The following NCAPD3 variants were observed in gnomAD, a reference collection of about 807,000 sequenced individuals.
The protein encoded by NCAPD3 is condensin-2 complex subunit D3.
A neutral mutation model predicts 182.9 loss-of-function variants in NCAPD3; 105 were observed. That is an observed-to-expected ratio of 0.57 (90% confidence interval 0.49 to 0.68). The LOEUF is 0.68. NCAPD3 is among the 30% of genes least tolerant of loss of function. NCAPD3 has a pLI of 0.00. For synonymous variants in NCAPD3, 815 were observed against 679.9 expected, an observed-to-expected ratio of 1.20 and a Z score of -3.09; for missense variants, 1,944 against 1,837.0, an observed-to-expected ratio of 1.06 and a Z score of -1.07.
intron 32 of NCAPD3, among the ~76,000 whole-genome samples, chr11:134,154,404 G>A (rs1273221015): frequency 6.6e-6 from 1 of 151,808 alleles, no homozygotes; most frequent in Non-Finnish European, 1.5e-5. Context: ...TCAGGTGCAC[G>A]CGTGCACAAA....
intron 13 of NCAPD3, among the ~76,000 whole-genome samples, chr11:134,199,963 A>AT (rs991932036): frequency 4.6e-5 from 7 of 152,312 alleles, no homozygotes; most frequent in South Asian, 2.1e-4. Flanking sequence ...CAGTCAAGTG[A>AT]TTTTTTTACA....
intron 13 of NCAPD3, among the ~76,000 whole-genome samples, chr11:134,197,989 CTT>C (rs1944672810): frequency 6.6e-6 from 1 of 152,148 alleles, no homozygotes; most frequent in South Asian, 2.1e-4. Flanking sequence ...GAAGTCTACT[CTT>C]TGACTTCTTT....
rs1482877256 is a variant in NCAPD3 at position 134,162,649 on chromosome 11, GACA to G, written c.3574-761_3574-759del. 1.3e-4 allele frequency among the ~76,000 whole-genome samples: 20 copies of G among 152,302 alleles called. 1 individual carries two copies. The highest frequency in any genetic ancestry group is 7.7e-4 in the East Asian group (4 of 5,178). On this transcript the variant is annotated intron_variant, in intron 27 of 34. Transcript: ENST00000534548. The stretch of plus-strand genomic sequence containing the variant: ...CTTATCAGAGTTCCTGAAACAGAAG[GACA>G]ACAAGTAGAGAAATAAGCAATTTAA...
At chr11:134,219,291 G>A (rs375131469) in intron 2 of NCAPD3, among the ~76,000 whole-genome samples, 90 of 152,102 alleles carry the variant, frequency 5.9e-4, no homozygotes, top group African/African-American at 1.9e-3. Context: ...CAACAAATCC[G>A]CACCTCTCTT....
chr11:134,172,734 T>C (rs554738328), intron 24 of NCAPD3, among the ~76,000 whole-genome samples: 1 of 152,128 alleles, frequency 6.6e-6, no homozygotes, highest in Non-Finnish European at 1.5e-5. Context: ...TTGGGGTTTA[T>C]ACCAGCGATT....
intron 2 of NCAPD3, among the ~76,000 whole-genome samples, chr11:134,219,057 G>A (rs1938129700): frequency 1.3e-5 from 2 of 152,126 alleles, no homozygotes; most frequent in Non-Finnish European, 2.9e-5. Context: ...TGAACCTCAC[G>A]TAAAGCTACC....
Position 134,160,114 on chromosome 11 carries a change from A to T in NCAPD3, c.3685-40T>A, listed in dbSNP as rs780815032. 7 of 1,601,626 alleles carry T rather than the reference A, an allele frequency of 4.4e-6. No homozygotes were observed. In the South Asian group the frequency reaches 7.8e-5, roughly 18 times the overall value. On this transcript the variant is annotated intron_variant, in intron 28 of 34. Transcript: ENST00000534548. Reference sequence around the variant, plus strand: ...GGAGCATCCTTTCATGTTTTCTTGAATAAAAACGTAAAGCCCTAAACCCCC... The same window carrying T: ...GGAGCATCCTTTCATGTTTTCTTGATTAAAAACGTAAAGCCCTAAACCCCC...
chr11:134,223,417 TTTGGGAA>T, intron 1 of NCAPD3: 1 of 702,474 alleles, frequency 1.4e-6, no homozygotes, highest in Non-Finnish European at 2.6e-6. Context: ...ATTAGCAGGC[TTTGGGAA>T]TCCCATTTTC....
Position 134,167,430 on chromosome 11 carries a change from G to C in NCAPD3, c.3573+566C>G, listed in dbSNP as rs1943871640. Among the ~76,000 whole-genome samples, 8 of 113,288 alleles carry C rather than the reference G, an allele frequency of 7.1e-5. No homozygotes were observed. The South Asian group carries it at 1.0e-3, about 14-fold the overall frequency. The allele number at this position is 113,288 out of a possible 152,430, so 74.3% of individuals were successfully genotyped here. ...CACTTGTGAGATGAGCTTGGGGGAG[G>C]CGCACACTCGTGAGAGGAGCTTAGG... On this transcript the variant is annotated intron_variant, in intron 27 of 34. Transcript: ENST00000534548.
At chr11:134,219,334 T>C (rs1330902516) in intron 2 of NCAPD3, among the ~76,000 whole-genome samples, 1 of 152,162 alleles carries the variant, frequency 6.6e-6, no homozygotes, top group Non-Finnish European at 1.5e-5. Flanking sequence ...TCGTAGAATA[T>C]TTCCAGGCGC....
chr11:134,153,677 T>C, intron 32 of NCAPD3: 2 of 424,956 alleles, frequency 4.7e-6, no homozygotes, highest in East Asian at 4.8e-5. Flanking sequence ...GACCGCCCTG[T>C]CCCACTTACT....
intron 32 of NCAPD3, among the ~76,000 whole-genome samples, chr11:134,155,182 T>C (rs145095209): frequency 1.7e-3 from 259 of 152,218 alleles, no homozygotes; most frequent in African/African-American, 5.9e-3. Flanking sequence ...GCTCTGAAAA[T>C]TGACTAATTT....
At chr11:134,225,383 C>T, upstream of NCAPD3, 2 of 1,605,962 alleles carry the variant, frequency 1.2e-6, no homozygotes, top group Non-Finnish European at 1.7e-6. Context: ...CCAGCGCCGA[C>T]AGCCGGCCGG....
Position 134,176,365 on chromosome 11 carries a change from C to T in NCAPD3, c.3043G>A (p.Gly1015Ser). Residue 1015 changes from glycine (G) to serine (S), a missense_variant, in exon 24 of 35, where the codon GGC (glycine) becomes AGC (serine). Transcript: ENST00000534548. ...CTGACAAATCGGAAGAACAGGGAGC[C>T]CTTCCATTTCACAAATTCCTCCTGT... ...LLQEEFVKWK[G>S]SLFFRFVSTL... 2 of 1,613,972 alleles carry T rather than the reference C, an allele frequency of 1.2e-6. No homozygotes were observed. Among genetic ancestry groups the T allele is most frequent in the South Asian group, 1.1e-5 (1 of 91,076 alleles).
Position 134,157,054 on chromosome 11 carries a change from C to T in NCAPD3, c.4216G>A (p.Glu1406Lys), listed in dbSNP as rs774653279. The T allele has an allele frequency of 4.3e-6, 7 of 1,613,780 alleles. No individual in the cohort carries two copies. Among genetic ancestry groups the T allele is most frequent in the Non-Finnish European group, 5.9e-6 (7 of 1,179,846 alleles). Residue 1406 changes from glutamate (E) to lysine (K), a missense_variant, in exon 32 of 35, where the codon GAG becomes AAG. Physicochemically the swap from Glu to Lys is moderately conservative, Grantham distance 56. Coordinates refer to ENST00000534548, the MANE Select transcript of NCAPD3 (RefSeq NM_015261.3). ...CTGATGGCCCGCTTGGTCACGTGCTCAATCTCGCCATTCGACTCTTGCTCC... is the reference window on the plus strand; with the variant it reads ...CTGATGGCCCGCTTGGTCACGTGCTTAATCTCGCCATTCGACTCTTGCTCC... Reference protein sequence around the residue: ...SLEQESNGEIEHVTKRAISTP... With the variant: ...SLEQESNGEIKHVTKRAISTP...
chr11:134,191,866 C>T (rs568913879), intron 16 of NCAPD3, among the ~76,000 whole-genome samples: 7 of 152,254 alleles, frequency 4.6e-5, no homozygotes, highest in African/African-American at 9.6e-5. Context: ...TATGCACAGC[C>T]GGAAGGTGAT....
intron 27 of NCAPD3, among the ~76,000 whole-genome samples, chr11:134,166,679 G>A (rs1196536880): frequency 8.3e-6 from 1 of 120,390 alleles, no homozygotes; most frequent in African/African-American, 3.5e-5. Flanking sequence ...GATGAGCTTG[G>A]GGGAGGGGCA....
Position 134,169,061 on chromosome 11 carries a change from A to G in NCAPD3, c.3102-7T>C. Reference sequence around the variant, plus strand: ...CAGGCAAAACTCCCCGAAGCTGCAAAGGTGAGAGAAACAAAGAGGGAGACC... The same window carrying G: ...CAGGCAAAACTCCCCGAAGCTGCAAGGGTGAGAGAAACAAAGAGGGAGACC... On this transcript the variant is annotated splice_region_variant and splice_polypyrimidine_tract_variant and intron_variant, in intron 24 of 34. Coordinates refer to ENST00000534548, the MANE Select transcript of NCAPD3 (RefSeq NM_015261.3). The G allele has an allele frequency of 6.2e-7, 1 of 1,612,078 alleles. No homozygotes were observed. The highest frequency in any genetic ancestry group is 8.5e-7 in the Non-Finnish European group (1 of 1,178,982).
At chr11:134,209,586 T>G (rs1414928700) in intron 4 of NCAPD3, 109 bp from the exon 5 acceptor site, 3 of 1,029,554 alleles carry the variant, frequency 2.9e-6, no homozygotes, top group Admixed American at 2.5e-5. Flanking sequence ...CAGGAGCTGA[T>G]GTTGAGGTGA....
Sources: gnomAD v4.1 joint callset for allele counts (sites outside exome capture counted in the v4.1 genomes callset) on GRCh38, gnomAD v4.1.1 for gene constraint, MANE v1.5 for transcripts, NCBI Gene and HGNC (gene_info 2026-07-23, HGNC 2026-07-21) for gene names.